Variants in DYSF observed in about 807,000 individuals in gnomAD.
The protein encoded by DYSF is dystrophy-associated fer-1-like 1.
A neutral mutation model predicts 274.9 loss-of-function variants in DYSF; 212 were observed. That is an observed-to-expected ratio of 0.77 (90% CI 0.69 to 0.86). The LOEUF is 0.86. Among genes scored for constraint, DYSF ranks in the 40% least tolerant of loss-of-function variants. DYSF has a pLI of 0.00. For missense variants in DYSF, 2,666 were observed against 2,783.2 expected (o/e 0.96, Z 0.95); for synonymous variants, 1,091 against 1,078.7 (o/e 1.01, Z -0.22).
chr2:71,574,975 G>A (rs545739286), intron 30 of DYSF, among the ~76,000 whole-genome samples: 5 of 152,200 alleles, frequency 3.3e-5, no homozygotes, highest in Non-Finnish European at 5.9e-5. Context: ...CGAGCACTCG[G>A]TACTGGCACA....
chr2:71,577,949 G>A (rs2092766388), intron 30 of DYSF, among the ~76,000 whole-genome samples: 2 of 152,136 alleles, frequency 1.3e-5, no homozygotes, highest in Admixed American at 1.3e-4. Context: ...TGAGGCCTCT[G>A]TGGCTTGAAT....
chr2:71,585,586 A>G (rs2093038976), intron 30 of DYSF, among the ~76,000 whole-genome samples: 1 of 152,168 alleles, frequency 6.6e-6, no homozygotes, highest in African/African-American at 2.4e-5. Context: ...ATGTACTTCA[A>G]AATCAAGAAG....
At chr2:71,635,787 A>G (rs1243299171) in intron 41 of DYSF, among the ~76,000 whole-genome samples, 1 of 151,100 alleles carries the variant, frequency 6.6e-6, no homozygotes, top group Non-Finnish European at 1.5e-5. Context: ...GAAAAAGAAA[A>G]AAGATGAAGG....
At chr2:71,675,101 G>T (rs1445228742) in intron 52 of DYSF, among the ~76,000 whole-genome samples, 1 of 152,002 alleles carries the variant, frequency 6.6e-6, no homozygotes, top group Non-Finnish European at 1.5e-5. Context: ...TCCATAATAG[G>T]CAAATCCATA....
intron 16 of DYSF, 130 bp downstream of exon 16, chr2:71,535,441 T>TG (rs2089233187): frequency 6.0e-6 from 6 of 1,002,326 alleles, no homozygotes; most frequent in Non-Finnish European, 9.6e-6. Context: ...AATGTCCCCT[T>TG]GGGGTAGCCA....
upstream of DYSF, among the ~76,000 whole-genome samples, chr2:71,466,469 G>T (rs912696098): frequency 6.6e-6 from 1 of 152,178 alleles, no homozygotes; most frequent in Non-Finnish European, 1.5e-5. Flanking sequence ...GCCCCACGGC[G>T]CCTTGTGCGC....
At chr2:71,684,461 G>T (rs1165478186) in intron 55 of DYSF, among the ~76,000 whole-genome samples, 1 of 152,230 alleles carries the variant, frequency 6.6e-6, no homozygotes, top group East Asian at 1.9e-4. Context: ...CGTCTGGGAG[G>T]TAAGGGCGTG....
intron 55 of DYSF, 149 bp from the exon 56 acceptor site, chr2:71,686,305 G>A (rs966554237): frequency 1.3e-4 from 123 of 935,392 alleles, no homozygotes; most frequent in African/African-American, 6.8e-4. Context: ...GCGTGGGCAG[G>A]TGGTTGAAGA....
chr2:71,561,456 G>T (rs1042488767), intron 22 of DYSF, among the ~76,000 whole-genome samples: 1 of 152,166 alleles, frequency 6.6e-6, no homozygotes. Context: ...ACATGCAAAA[G>T]AACTCACTGG....
At position 71,658,926 on chromosome 2, in the gene DYSF, C is replaced by T; in HGVS notation, c.4804C>T (p.Pro1602Ser). The T allele has an allele frequency of 1.2e-6, 2 of 1,614,212 alleles. No homozygotes were observed. Among genetic ancestry groups the T allele is most frequent in the South Asian group, 1.1e-5 (1 of 91,088 alleles). ...CCCAGAAGACCCAGCCATCCCCATG[C>T]CCCCAAGACAGTTCCACCAGCTGGC... is the stretch of plus-strand genomic sequence containing the variant. ...PLPEDPAIPM[P>S]PRQFHQLAAQ... Residue 1602 changes from proline to serine, a missense_variant, in exon 44 of 56, where the codon CCC becomes TCC. Pro to Ser is a moderately conservative substitution (Grantham distance 74). This residue lies in a region of DYSF where 1,460 missense variants were observed against 1,502.1 expected (regional missense o/e 0.97). Transcript: ENST00000410020.
intron 16 of DYSF, 107 bp from the exon 17 acceptor site, chr2:71,539,050 G>A: frequency 2.1e-6 from 2 of 955,342 alleles, no homozygotes; most frequent in South Asian, 1.3e-5. Context: ...CTCTCTGCCT[G>A]CCCCCCGCCC....
intron 42 of DYSF, among the ~76,000 whole-genome samples, chr2:71,651,166 C>CA (rs1036047628): frequency 8.2e-5 from 12 of 145,780 alleles, no homozygotes; most frequent in Admixed American, 4.8e-4. Context: ...AACAGCAGGA[C>CA]AAAAAAAGAG....
At chr2:71,649,099 T>G (rs568407075) in intron 42 of DYSF, among the ~76,000 whole-genome samples, 19 of 133,090 alleles carry the variant, frequency 1.4e-4, no homozygotes, top group Admixed American at 3.6e-4. Flanking sequence ...ATTGCACCAC[T>G]GCACTCTAGC....
intron 52 of DYSF, among the ~76,000 whole-genome samples, chr2:71,675,854 CAT>C (rs541402372): frequency 2.2e-4 from 33 of 152,096 alleles, no homozygotes; most frequent in Non-Finnish European, 4.0e-4. Flanking sequence ...TATATATACA[CAT>C]GTACATGCAT....
chr2:71,568,343 G>A lies in DYSF; in HGVS notation c.2864+5G>A, dbSNP rs886044131. 3 of 1,613,734 alleles carry A rather than the reference G, an allele frequency of 1.9e-6. No homozygotes were observed. Among genetic ancestry groups the A allele is most frequent in the South Asian group, 2.2e-5 (2 of 91,070 alleles). On this transcript the variant is annotated splice_donor_5th_base_variant and intron_variant, in intron 26 of 55. Coordinates refer to ENST00000410020, the MANE Select transcript of DYSF (RefSeq NM_001130987.2). ...GTTCGTGTGTCCGGAGAAGACGTGAGTCGTGGGCAGGGAGGGCTGGGGAGA... is the reference window on the plus strand; with the variant it reads ...GTTCGTGTGTCCGGAGAAGACGTGAATCGTGGGCAGGGAGGGCTGGGGAGA...
intron 17 of DYSF, among the ~76,000 whole-genome samples, chr2:71,548,118 A>T (rs559156956): frequency 1.1e-4 from 16 of 152,140 alleles, no homozygotes; most frequent in Non-Finnish European, 2.1e-4. Context: ...GGTGACCATG[A>T]ACTATGATTT....
rs121908958 is a variant in DYSF at position 71,570,704 on chromosome 2, G to A, written c.3191G>A (p.Arg1064His). Residue 1064 changes from arginine (R) to histidine (H), a missense_variant, in exon 29 of 56, where the codon CGC (arginine) becomes CAC (histidine). This residue lies in a region of DYSF where 1,460 missense variants were observed against 1,502.1 expected (regional missense o/e 0.97). Transcript: ENST00000410020. ...THRRRRWVRL[R>H]RRDLSQMEAL... ...CGACGGCGGCGCTGGGTGCGCCTGC[G>A]CAGGAGGGATCTCAGCCAAATGGAA... 24 of 1,614,016 alleles carry A rather than the reference G, an allele frequency of 1.5e-5. No individual in the cohort carries two copies. In the Admixed American group the frequency reaches 2.0e-4, roughly 13 times the overall value.
chr2:71,649,463 G>A (rs1202165398), intron 42 of DYSF, among the ~76,000 whole-genome samples: 3 of 152,136 alleles, frequency 2.0e-5, no homozygotes, highest in Non-Finnish European at 4.4e-5. Context: ...CTAAAACTGG[G>A]TGATAGGGAG....
In DYSF at chr2:71,526,348, T is replaced by C; in HGVS notation, c.1276+2T>C. On this transcript the variant is annotated splice_donor_variant, in intron 13 of 55. Transcript: ENST00000410020. LOFTEE classifies it high-confidence loss of function. ...TCCGGGCCGAGGACTTGCCGCAGAGTGCGTGGGGCGCGCCCTTGGGTGGGA... is the reference window on the plus strand; with the variant it reads ...TCCGGGCCGAGGACTTGCCGCAGAGCGCGTGGGGCGCGCCCTTGGGTGGGA... 1 of 1,384,906 alleles carries C rather than the reference T, an allele frequency of 7.2e-7. No individual in the cohort carries two copies. The allele number at this position is 1,384,906 out of a possible 1,614,324, so 85.8% of individuals were successfully genotyped here.
Sources: allele counts gnomAD v4.1 joint callset (sites outside exome capture counted in the v4.1 genomes callset), GRCh38; gene constraint gnomAD v4.1.1; regional missense constraint gnomAD v4.1.1; transcripts MANE v1.5; gene names NCBI Gene and HGNC (gene_info 2026-07-23, HGNC 2026-07-21).